AUTS2: variants seen among roughly 807,000 people sequenced by gnomAD.
AUTS2 encodes the protein autism susceptibility gene 2 protein.
A neutral mutation model predicts 112.4 loss-of-function variants in AUTS2; 17 were observed. The ratio of observed to expected loss-of-function variants is 0.15; its 90% CI spans 0.10 to 0.23. The LOEUF (loss-of-function observed/expected upper bound fraction) is 0.23. AUTS2 is among the 10% of genes least tolerant of loss of function. The pLI is 1.00. For synonymous variants in AUTS2, 751 were observed against 702.7 expected (o/e 1.07, Z -1.09); for missense variants, 1,510 against 1,701.6 (o/e 0.89, Z 1.98).
intron 5 of AUTS2, among the ~76,000 whole-genome samples, chr7:70,682,067 A>T (rs1808239610): frequency 6.6e-6 from 1 of 152,220 alleles, no homozygotes; most frequent in African/African-American, 2.4e-5. Context: ...CAGACCTCTA[A>T]GATCCTCTTG....
At chr7:70,392,952 A>G (rs1053687470) in intron 4 of AUTS2, among the ~76,000 whole-genome samples, 1 of 152,190 alleles carries the variant, frequency 6.6e-6, no homozygotes, top group Non-Finnish European at 1.5e-5. Context: ...TACTGGGGCC[A>G]TTTCTTACCC....
intron 2 of AUTS2, among the ~76,000 whole-genome samples, chr7:69,986,771 A>T (rs1365299568): frequency 6.6e-6 from 1 of 152,200 alleles, no homozygotes; most frequent in African/African-American, 2.4e-5. Flanking sequence ...TGTTCCCCTC[A>T]CTTTTTAGTC....
intron 6 of AUTS2, among the ~76,000 whole-genome samples, chr7:70,750,034 T>C (rs916727203): frequency 1.3e-5 from 2 of 152,182 alleles, no homozygotes; most frequent in Non-Finnish European, 2.9e-5. Flanking sequence ...TCTGCAGTGA[T>C]ATTGGCAAAA....
intron 4 of AUTS2, among the ~76,000 whole-genome samples, chr7:70,380,745 A>G (rs1484165626): frequency 6.6e-6 from 1 of 152,362 alleles, no homozygotes; most frequent in East Asian, 1.9e-4. Context: ...CTGATTAAAA[A>G]CAGGAGGGAG....
At chr7:70,734,833 A>G (rs1039445657) in intron 6 of AUTS2, among the ~76,000 whole-genome samples, 1 of 152,134 alleles carries the variant, frequency 6.6e-6, no homozygotes, top group African/African-American at 2.4e-5. Context: ...ACATCTTCCT[A>G]AAGAGGTTGT....
At chr7:70,518,631 C>T (rs1563011345) in intron 5 of AUTS2, among the ~76,000 whole-genome samples, 2 of 151,164 alleles carry the variant, frequency 1.3e-5, no homozygotes, top group East Asian at 4.0e-4. Context: ...TGCAGTGAGC[C>T]GAGATCGCGC....
At chr7:69,709,862 T>C (rs1448278541) in intron 1 of AUTS2, among the ~76,000 whole-genome samples, 2 of 152,086 alleles carry the variant, frequency 1.3e-5, no homozygotes, top group African/African-American at 4.8e-5. Flanking sequence ...ATTTAACAGA[T>C]TTAATGCATT....
chr7:70,084,399 A>G (rs1803484137), intron 2 of AUTS2, among the ~76,000 whole-genome samples: 1 of 152,228 alleles, frequency 6.6e-6, no homozygotes, highest in Admixed American at 6.5e-5. Flanking sequence ...TGGACAAATA[A>G]GAGTGGAATG....
At chr7:69,977,365 CAG>C (rs1383145222) in intron 2 of AUTS2, among the ~76,000 whole-genome samples, 10 of 152,130 alleles carry the variant, frequency 6.6e-5, no homozygotes, top group African/African-American at 2.4e-4. Context: ...ATTTTGAAAT[CAG>C]AAAGTTTAAG....
At chr7:70,371,949 TTC>T (rs1305808034) in intron 4 of AUTS2, among the ~76,000 whole-genome samples, 1 of 152,200 alleles carries the variant, frequency 6.6e-6, no homozygotes, top group Non-Finnish European at 1.5e-5. Context: ...AGTATGTTTT[TTC>T]TCTTTAGGGA....
chr7:70,735,867 C>T (rs1445800876), intron 6 of AUTS2, among the ~76,000 whole-genome samples: 1 of 152,110 alleles, frequency 6.6e-6, no homozygotes, highest in Non-Finnish European at 1.5e-5. Flanking sequence ...TCAGAAATGG[C>T]AAGTTCTTAG....
chr7:69,979,114 G>T (rs1356505435), intron 2 of AUTS2, among the ~76,000 whole-genome samples: 1 of 152,078 alleles, frequency 6.6e-6, no homozygotes, highest in Non-Finnish European at 1.5e-5. Flanking sequence ...GTTTCCTTGG[G>T]TTTTCTGTTA....
At chr7:69,780,175 G>A (rs955610545) in intron 1 of AUTS2, among the ~76,000 whole-genome samples, 11 of 152,082 alleles carry the variant, frequency 7.2e-5, no homozygotes, top group African/African-American at 2.2e-4. Context: ...ATCTAAAGAG[G>A]TATTTTCAAT....
At chr7:69,845,174 A>C (rs1350481777) in intron 1 of AUTS2, among the ~76,000 whole-genome samples, 1 of 152,180 alleles carries the variant, frequency 6.6e-6, no homozygotes, top group Admixed American at 6.5e-5. Flanking sequence ...TAATTTCTTC[A>C]TGGCATCTAA....
chr7:69,747,019 G>T (rs1208966436), intron 1 of AUTS2, among the ~76,000 whole-genome samples: 1 of 152,218 alleles, frequency 6.6e-6, no homozygotes, highest in African/African-American at 2.4e-5. Context: ...AAAGATCGTG[G>T]CAGAAGCCTA....
intron 4 of AUTS2, among the ~76,000 whole-genome samples, chr7:70,341,156 A>G (rs1030007847): frequency 6.6e-6 from 1 of 152,230 alleles, no homozygotes; most frequent in Non-Finnish European, 1.5e-5. Context: ...CAGCTTCCCA[A>G]TAAATGCTAC....
intron 4 of AUTS2, among the ~76,000 whole-genome samples, chr7:70,385,256 G>A (rs148296312): frequency 1.2e-3 from 184 of 152,250 alleles, no homozygotes; most frequent in African/African-American, 4.1e-3. Context: ...TAGTTTCATG[G>A]GAGACACAGA....
rs577218753 is a variant in AUTS2 at position 69,640,065 on chromosome 7, A to G, written c.309+40103A>G. Among the ~76,000 whole-genome samples the G allele has an allele frequency of 4.5e-4, 69 of 152,298 alleles. 1 individual carries two copies. Among genetic ancestry groups the G allele is most frequent in the African/African-American group, 1.4e-3 (60 of 41,554 alleles). ...GTTAAAGTGGATGATTTCTATGGCAACTTCCAGGCCTTGAATTATTATTTT... is the reference window on the plus strand; with the variant it reads ...GTTAAAGTGGATGATTTCTATGGCAGCTTCCAGGCCTTGAATTATTATTTT... On this transcript the variant is annotated intron_variant, in intron 1 of 18. Coordinates refer to ENST00000342771, the MANE Select transcript of AUTS2 (RefSeq NM_015570.4).
At chr7:70,764,655 G>C in intron 7 of AUTS2, 97 bp from the exon 8 acceptor site, 1 of 663,668 alleles carries the variant, frequency 1.5e-6, no homozygotes, top group Non-Finnish European at 2.8e-6. Flanking sequence ...AGAGACTGTG[G>C]TGAGGGTTTA....
Sources: gnomAD v4.1 joint callset for allele counts (sites outside exome capture counted in the v4.1 genomes callset) on GRCh38, gnomAD v4.1.1 for gene constraint, MANE v1.5 for transcripts, NCBI Gene and HGNC (gene_info 2026-07-23, HGNC 2026-07-21) for gene names.